The following TPP2 variants were observed in gnomAD, a reference collection of about 807,000 sequenced individuals.
The protein encoded by TPP2 is tripeptidyl-peptidase 2.
In TPP2, 34 loss-of-function variants were observed where a neutral mutation model predicts 155.9. The observed-to-expected ratio is 0.22, with a 90% CI of 0.17 to 0.29. TPP2 has a LOEUF of 0.29. Ranked by LOEUF, TPP2 falls within the 10% of genes least tolerant of loss-of-function variation. The pLI is 1.00. For missense variants in TPP2, 1,028 were observed against 1,522.3 expected (o/e 0.68, Z 5.40); for synonymous variants, 510 against 529.4 (o/e 0.96, Z 0.50).
At chr13:102,672,076 T>C (rs984074621) in intron 27 of TPP2, among the ~76,000 whole-genome samples, 1 of 152,036 alleles carries the variant, frequency 6.6e-6, no homozygotes, top group Non-Finnish European at 1.5e-5. Flanking sequence ...ATTGCAGCGT[T>C]CCTCTCATGG....
intron 21 of TPP2, among the ~76,000 whole-genome samples, chr13:102,648,499 T>G (rs1162981533): frequency 6.6e-6 from 1 of 151,602 alleles, no homozygotes; most frequent in East Asian, 1.9e-4. Flanking sequence ...GTGCCTCAAT[T>G]TTGCTCATTT....
intron 15 of TPP2, 91 bp downstream of exon 15, chr13:102,638,406 C>G: frequency 7.5e-7 from 1 of 1,335,814 alleles, no homozygotes; most frequent in Non-Finnish European, 1.1e-6. Context: ...ATCACTAATA[C>G]AGAACCAGGT....
intron 14 of TPP2, among the ~76,000 whole-genome samples, chr13:102,637,942 C>T (rs1018154134): frequency 6.6e-6 from 1 of 152,214 alleles, no homozygotes; most frequent in Non-Finnish European, 1.5e-5. Flanking sequence ...AGTATCTCCA[C>T]ATCTAAAGTT....
chr13:102,663,144 A>T (rs369866338), intron 25 of TPP2, among the ~76,000 whole-genome samples: 19 of 99,562 alleles, frequency 1.9e-4, no homozygotes, highest in South Asian at 8.7e-4. Context: ...TTTTTAATTA[A>T]TTAATTAATT....
intron 25 of TPP2, 137 bp from the exon 26 acceptor site, chr13:102,663,511 T>C: frequency 1.7e-6 from 1 of 590,234 alleles, no homozygotes; most frequent in East Asian, 3.3e-5. Context: ...ATAATCCTTG[T>C]CAATGACTAT....
intron 17 of TPP2, 51 bp downstream of exon 17, chr13:102,643,427 G>T: frequency 6.6e-7 from 1 of 1,505,810 alleles, no homozygotes; most frequent in Non-Finnish European, 8.9e-7. Context: ...TGCCTTTTTG[G>T]TATGGGCTAA....
At chr13:102,607,564 A>G (rs1316179498) in intron 2 of TPP2, 3 of 361,710 alleles carry the variant, frequency 8.3e-6, no homozygotes, top group Non-Finnish European at 1.2e-5. Flanking sequence ...TTAGAGCCAT[A>G]TAAAGTATTA....
intron 16 of TPP2, among the ~76,000 whole-genome samples, 181 bp downstream of exon 16, chr13:102,640,557 C>T (rs535457102): frequency 1.3e-5 from 2 of 151,596 alleles, no homozygotes; most frequent in African/African-American, 2.4e-5. Flanking sequence ...TTGCATTGGC[C>T]CATACAGGAA....
intron 4 of TPP2, among the ~76,000 whole-genome samples, 175 bp downstream of exon 4, chr13:102,616,675 G>A (rs889946323): frequency 2.6e-5 from 4 of 152,082 alleles, no homozygotes; most frequent in Non-Finnish European, 5.9e-5. Context: ...ATGTACATAT[G>A]TATGAATTTT....
chr13:102,651,245 C>A, intron 23 of TPP2, 114 bp from the exon 24 acceptor site: 1 of 1,152,874 alleles, frequency 8.7e-7, no homozygotes, highest in Non-Finnish European at 1.2e-6. Flanking sequence ...CCTGAGCCTT[C>A]TAAGTGGTGT....
chr13:102,629,533 T>C lies in TPP2; in HGVS notation c.1068T>C (p.Tyr356=). ...NEAVWKHNII[Y]VSSAGNNGPC... is the part of the protein sequence containing the mutation. ...CAGTATGGAAGCATAATATAATTTA[T>C]GTTTCAAGTGCTGGAAATAATGGTC... Residue 356 remains tyrosine, a synonymous_variant, in exon 9 of 30, where the codon TAT becomes TAC. Transcript: ENST00000376052. 1 of 1,537,132 alleles carries C rather than the reference T, an allele frequency of 6.5e-7. No homozygotes were observed. The highest frequency in any genetic ancestry group is 1.4e-5 in the African/African-American group (1 of 69,984).
At chr13:102,674,563 G>A in intron 28 of TPP2, 73 bp downstream of exon 28, 2 of 1,431,172 alleles carry the variant, frequency 1.4e-6, no homozygotes, top group South Asian at 2.5e-5. Flanking sequence ...CCCCATTGCT[G>A]GTTAAAAGAG....
At chr13:102,615,829 G>A (rs1880676815) in intron 3 of TPP2, among the ~76,000 whole-genome samples, 1 of 152,158 alleles carries the variant, frequency 6.6e-6, no homozygotes, top group South Asian at 2.1e-4. Flanking sequence ...GTTTTAAATT[G>A]GGGAATATGA....
chr13:102,653,324 T>A (rs1436358290), intron 24 of TPP2, among the ~76,000 whole-genome samples: 1 of 152,194 alleles, frequency 6.6e-6, no homozygotes, highest in Non-Finnish European at 1.5e-5. Flanking sequence ...TGGGTTTCAG[T>A]GACTTGATTT....
At chr13:102,608,526 T>G (rs531976931) in intron 2 of TPP2, among the ~76,000 whole-genome samples, 19 of 152,154 alleles carry the variant, frequency 1.2e-4, no homozygotes, top group Non-Finnish European at 2.8e-4. Flanking sequence ...TTAATCTTTT[T>G]CCTTCCTGAG....
chr13:102,609,926 G>T (rs972726004), intron 2 of TPP2, among the ~76,000 whole-genome samples: 16 of 152,110 alleles, frequency 1.1e-4, no homozygotes, highest in Non-Finnish European at 1.3e-4. Context: ...GGTGAAGTTT[G>T]GGCAGGATGT....
intron 24 of TPP2, among the ~76,000 whole-genome samples, chr13:102,654,021 G>T (rs1033084798): frequency 6.6e-6 from 1 of 152,060 alleles, no homozygotes; most frequent in Non-Finnish European, 1.5e-5. Context: ...TAGCATTTCT[G>T]CTCTGAAGAT....
intron 19 of TPP2, 61 bp downstream of exon 19, chr13:102,645,070 C>A: frequency 6.8e-7 from 1 of 1,476,074 alleles, no homozygotes; most frequent in Non-Finnish European, 9.2e-7. Context: ...ATCTCTTACA[C>A]TCTTAAAAAA....
At chr13:102,600,952 A>G (rs924706114) in intron 1 of TPP2, among the ~76,000 whole-genome samples, 1 of 151,490 alleles carries the variant, frequency 6.6e-6, no homozygotes, top group African/African-American at 2.4e-5. Flanking sequence ...GCACAGTGGC[A>G]GGATCACCAC....
Sources: allele counts gnomAD v4.1 joint callset (sites outside exome capture counted in the v4.1 genomes callset), GRCh38; gene constraint gnomAD v4.1.1; transcripts MANE v1.5; gene names NCBI Gene and HGNC (gene_info 2026-07-23, HGNC 2026-07-21).